The following NTM variants were observed in gnomAD, a reference collection of about 807,000 sequenced individuals.
The protein encoded by NTM is IgLON family member 2.
Under a neutral mutation model 42.1 loss-of-function variants are expected in NTM, and 13 were observed. The ratio of observed to expected loss-of-function variants is 0.31; its 90% CI spans 0.20 to 0.49. NTM has a LOEUF of 0.49. Among genes scored for constraint, NTM ranks in the 20% least tolerant of loss-of-function variants. The pLI is 0.99. For synonymous variants in NTM, 187 were observed against 179.2 expected (o/e 1.04, Z -0.35); for missense variants, 373 against 452.8 (o/e 0.82, Z 1.60).
chr11:131,655,015 C>T (rs994280944), intron 1 of NTM, among the ~76,000 whole-genome samples: 1 of 152,150 alleles, frequency 6.6e-6, no homozygotes, highest in Non-Finnish European at 1.5e-5. Flanking sequence ...CTGGGGCTCG[C>T]ACCTGTGTTT....
In NTM at chr11:131,767,766, A is replaced by G. The variant is rs577803605; in HGVS notation, c.83-143798A>G. The stretch of plus-strand genomic sequence containing the variant: ...AGCCCCTCAGCCTTTTTGCTGAACC[A>G]GACCCATTTGCCCGACACATGGCAA... On this transcript the variant is annotated intron_variant, in intron 1 of 8. Transcript: ENST00000683400. 1.1e-4 allele frequency among the ~76,000 whole-genome samples: 17 copies of G among 152,298 alleles called. No individual in the cohort carries two copies. In the South Asian group the frequency reaches 3.3e-3, roughly 30 times the overall value.
At chr11:131,776,920 A>G (rs2087100574) in intron 1 of NTM, among the ~76,000 whole-genome samples, 1 of 152,114 alleles carries the variant, frequency 6.6e-6, no homozygotes, top group Non-Finnish European at 1.5e-5. Context: ...GCTCGATCCC[A>G]TTTTGCTAGA....
intron 2 of NTM, among the ~76,000 whole-genome samples, chr11:132,103,285 G>A (rs1214315104): frequency 1.3e-5 from 2 of 152,172 alleles, no homozygotes; most frequent in South Asian, 2.1e-4. Context: ...TGGGGTCCAC[G>A]GTGGCTCCAA....
At chr11:131,452,865 T>C (rs1950588239) in intron 1 of NTM, among the ~76,000 whole-genome samples, 1 of 152,296 alleles carries the variant, frequency 6.6e-6, no homozygotes, top group East Asian at 1.9e-4. Context: ...CTTTATTTAA[T>C]AAACTTTCAG....
chr11:131,910,892 A>G, intron 1 of NTM: 1 of 985,936 alleles, frequency 1.0e-6, no homozygotes, highest in Non-Finnish European at 1.2e-6. Context: ...CCCGGATCGC[A>G]CGAAGCCCGC....
chr11:131,700,339 G>A (rs1242322021), intron 1 of NTM, among the ~76,000 whole-genome samples: 2 of 152,026 alleles, frequency 1.3e-5, no homozygotes, highest in African/African-American at 4.8e-5. Flanking sequence ...CTGTCATAAT[G>A]TTTGCATCCT....
chr11:132,194,089 G>A (rs2079765449), intron 3 of NTM, among the ~76,000 whole-genome samples: 1 of 150,190 alleles, frequency 6.7e-6, no homozygotes, highest in African/African-American at 2.5e-5. Context: ...TAAAGGAGGA[G>A]GGACTCCTCT....
intron 1 of NTM, among the ~76,000 whole-genome samples, chr11:131,859,821 C>G (rs943485744): frequency 6.6e-6 from 1 of 151,818 alleles, no homozygotes; most frequent in African/African-American, 2.4e-5. Context: ...AAAATAGATT[C>G]TGAGACACTT....
At chr11:131,975,264 T>G (rs766432886) in intron 2 of NTM, among the ~76,000 whole-genome samples, 4 of 152,124 alleles carry the variant, frequency 2.6e-5, no homozygotes, top group Non-Finnish European at 5.9e-5. Flanking sequence ...CACTTCAACC[T>G]CTGCCTCCCG....
chr11:131,852,957 C>G (rs1370293027), intron 1 of NTM, among the ~76,000 whole-genome samples: 2 of 149,380 alleles, frequency 1.3e-5, no homozygotes, highest in African/African-American at 5.0e-5. Flanking sequence ...CATTCATCCA[C>G]TCATCCATCC....
intron 2 of NTM, among the ~76,000 whole-genome samples, chr11:132,041,713 G>GT (rs1167466956): frequency 1.3e-5 from 2 of 152,120 alleles, no homozygotes; most frequent in African/African-American, 4.8e-5. Context: ...CCCCAGTACT[G>GT]CTGAGTTGCT....
intron 1 of NTM, among the ~76,000 whole-genome samples, chr11:131,879,249 C>G (rs968972690): frequency 6.6e-6 from 1 of 152,172 alleles, no homozygotes; most frequent in South Asian, 2.1e-4. Context: ...AGGGGTGCAT[C>G]TGGGTGGAAA....
chr11:131,375,438 C>T (rs117200387), intron 1 of NTM, among the ~76,000 whole-genome samples: 2,595 of 152,298 alleles, frequency 0.017, 41 homozygotes, highest in Non-Finnish European at 0.026. Context: ...ATAAAGAAGT[C>T]GATGGCATAC....
intron 1 of NTM, among the ~76,000 whole-genome samples, chr11:131,845,840 A>G (rs539866328): frequency 1.7e-4 from 26 of 152,218 alleles, no homozygotes; most frequent in African/African-American, 5.5e-4. Context: ...CCTTCCCTAT[A>G]CATAAGAATG....
At chr11:132,080,860 G>A (rs6590614) in intron 2 of NTM, among the ~76,000 whole-genome samples, 38,274 of 152,100 alleles carry the variant, frequency 0.25, 5,119 homozygotes, top group African/African-American at 0.32. Flanking sequence ...CTGATGGCAA[G>A]TGGGAATGAA....
intron 1 of NTM, among the ~76,000 whole-genome samples, chr11:131,515,316 A>C (rs2048756363): frequency 6.6e-6 from 1 of 152,140 alleles, no homozygotes; most frequent in Non-Finnish European, 1.5e-5. Flanking sequence ...TCAATTACCT[A>C]GAGTGGTGCC....
intron 1 of NTM, among the ~76,000 whole-genome samples, chr11:131,792,843 G>T (rs2136160042): frequency 6.6e-6 from 1 of 152,336 alleles, no homozygotes; most frequent in East Asian, 1.9e-4. Flanking sequence ...GTTTTCTGTA[G>T]ATCTAGTCAA....
intron 2 of NTM, among the ~76,000 whole-genome samples, chr11:131,960,546 A>C (rs1019852342): frequency 1.4e-5 from 2 of 146,038 alleles, no homozygotes; most frequent in Non-Finnish European, 3.0e-5. Context: ...CCTAATGTTC[A>C]TATAAACTGC....
intron 3 of NTM, among the ~76,000 whole-genome samples, chr11:132,147,465 G>T (rs1392778810): frequency 1.3e-5 from 2 of 152,070 alleles, no homozygotes; most frequent in Non-Finnish European, 2.9e-5. Flanking sequence ...GTCAACGTGA[G>T]GATTGAACTG....
Sources: allele counts gnomAD v4.1 joint callset (sites outside exome capture counted in the v4.1 genomes callset), GRCh38; gene constraint gnomAD v4.1.1; transcripts MANE v1.5; gene names NCBI Gene and HGNC (gene_info 2026-07-23, HGNC 2026-07-21).